Variants in ZNF521 observed in about 807,000 individuals in gnomAD.
The protein encoded by ZNF521 is zinc finger protein 521.
Under a neutral mutation model 105.5 loss-of-function variants are expected in ZNF521, and 14 were observed. The observed-to-expected ratio is 0.13, with a 90% CI of 0.09 to 0.21. ZNF521 has a LOEUF of 0.21. ZNF521 is among the 10% of genes least tolerant of loss of function. The pLI is 1.00. For synonymous variants in ZNF521, 635 were observed against 606.0 expected (o/e 1.05, Z -0.70); for missense variants, 1,233 against 1,629.7 (o/e 0.76, Z 4.19).
intron 2 of ZNF521, among the ~76,000 whole-genome samples, chr18:25,345,097 T>G (rs928861497): frequency 6.6e-6 from 1 of 152,182 alleles, no homozygotes; most frequent in Non-Finnish European, 1.5e-5. Flanking sequence ...TAACTAGAAT[T>G]TACCAGACTA....
chr18:25,278,009 G>A (rs1190045168), intron 3 of ZNF521, among the ~76,000 whole-genome samples: 1 of 152,134 alleles, frequency 6.6e-6, no homozygotes, highest in Non-Finnish European at 1.5e-5. Context: ...TCTTCAATCT[G>A]TGTGCAAATT....
rs139279669 is a variant in ZNF521, at chr18:25,156,898, G to C, written c.3658+38262C>G. ...GGACATGAGGCATGAAGGAGCTCTTGCCAAAATAACAACAAATAGAAATGG... is the reference window on the plus strand; with the variant it reads ...GGACATGAGGCATGAAGGAGCTCTTCCCAAAATAACAACAAATAGAAATGG... On this transcript the variant is annotated intron_variant, in intron 5 of 7. Coordinates refer to ENST00000361524, the MANE Select transcript of ZNF521 (RefSeq NM_015461.3). Among the ~76,000 whole-genome samples the C allele has an allele frequency of 2.5e-3, 375 of 152,222 alleles. 2 individuals are homozygous for C. The highest frequency in any genetic ancestry group is 8.7e-3 in the African/African-American group (360 of 41,544).
chr18:25,351,656 C>T (rs942751766), intron 1 of ZNF521: 2 of 152,744 alleles, frequency 1.3e-5, no homozygotes, highest in African/African-American at 4.8e-5. Context: ...TACTTTTTTT[C>T]TCCCTTCCCC....
intron 5 of ZNF521, among the ~76,000 whole-genome samples, chr18:25,141,641 G>A (rs1360738617): frequency 6.6e-6 from 1 of 152,158 alleles, no homozygotes; most frequent in East Asian, 1.9e-4. Flanking sequence ...GAGGCTCAAA[G>A]GTGGCTGGTC....
chr18:25,205,808 T>C (rs1355305417), intron 4 of ZNF521, among the ~76,000 whole-genome samples: 1 of 152,182 alleles, frequency 6.6e-6, no homozygotes, highest in Non-Finnish European at 1.5e-5. Context: ...TATGAGTACT[T>C]GATATCATTT....
chr18:25,085,975 G>A (rs1028254973), intron 7 of ZNF521, among the ~76,000 whole-genome samples: 6 of 151,996 alleles, frequency 3.9e-5, no homozygotes, highest in Admixed American at 6.5e-5. Context: ...CAAATAAATT[G>A]TATACTTTAA....
intron 3 of ZNF521, among the ~76,000 whole-genome samples, chr18:25,236,329 A>C (rs1055018012): frequency 6.6e-6 from 1 of 152,220 alleles, no homozygotes; most frequent in Non-Finnish European, 1.5e-5. Flanking sequence ...TGAGCCCAGG[A>C]GTTCGAGATC....
At chr18:25,269,943 A>G (rs148206157) in intron 3 of ZNF521, among the ~76,000 whole-genome samples, 1 of 152,312 alleles carries the variant, frequency 6.6e-6, no homozygotes, top group African/African-American at 2.4e-5. Context: ...CTAAGATCAA[A>G]GCAGAACTGA....
At chr18:25,161,144 A>G (rs1351063866) in intron 5 of ZNF521, among the ~76,000 whole-genome samples, 1 of 152,142 alleles carries the variant, frequency 6.6e-6, no homozygotes, top group African/African-American at 2.4e-5. Context: ...CTCAAACCAG[A>G]GGCCTCCTAG....
At chr18:25,282,971 T>C (rs1910471628) in intron 3 of ZNF521, among the ~76,000 whole-genome samples, 1 of 152,200 alleles carries the variant, frequency 6.6e-6, no homozygotes, top group African/African-American at 2.4e-5. Flanking sequence ...CTTAAAGTGC[T>C]TAAGTACAAA....
intron 5 of ZNF521, among the ~76,000 whole-genome samples, chr18:25,176,582 C>T (rs1480859581): frequency 6.6e-6 from 1 of 152,172 alleles, no homozygotes; most frequent in Non-Finnish European, 1.5e-5. Flanking sequence ...TAATTACTCT[C>T]TTCGCTGGAA....
intron 5 of ZNF521, among the ~76,000 whole-genome samples, chr18:25,107,606 T>C (rs1266379545): frequency 6.6e-6 from 1 of 152,234 alleles, no homozygotes; most frequent in African/African-American, 2.4e-5. Context: ...GGCAGCTATG[T>C]GTACCACTAA....
intron 3 of ZNF521, among the ~76,000 whole-genome samples, chr18:25,293,597 T>C (rs959835778): frequency 6.6e-6 from 1 of 152,260 alleles, no homozygotes; most frequent in Non-Finnish European, 1.5e-5. Flanking sequence ...TAGGTATTTA[T>C]GATACTCTTC....
intron 5 of ZNF521, among the ~76,000 whole-genome samples, chr18:25,143,970 G>T (rs2034898143): frequency 6.6e-6 from 1 of 152,162 alleles, no homozygotes; most frequent in African/African-American, 2.4e-5. Context: ...AGTATCCCTT[G>T]TTAGTGCCAT....
intron 5 of ZNF521, among the ~76,000 whole-genome samples, chr18:25,185,444 C>T (rs542809932): frequency 2.0e-5 from 3 of 152,036 alleles, no homozygotes; most frequent in South Asian, 2.1e-4. Flanking sequence ...TGTGTTGTAC[C>T]GGTCGCCAAC....
At chr18:25,252,789 C>T (rs959798070) in intron 3 of ZNF521, among the ~76,000 whole-genome samples, 5 of 152,084 alleles carry the variant, frequency 3.3e-5, no homozygotes, top group East Asian at 1.9e-4. Flanking sequence ...AACCCCATAG[C>T]GCATCCATAA....
chr18:25,110,916 C>T (rs2034175804), intron 5 of ZNF521, among the ~76,000 whole-genome samples: 1 of 151,984 alleles, frequency 6.6e-6, no homozygotes, highest in Non-Finnish European at 1.5e-5. Flanking sequence ...GCACCCGCCA[C>T]CACGCCTGGC....
At chr18:25,141,645 G>A (rs961652654) in intron 5 of ZNF521, among the ~76,000 whole-genome samples, 9 of 152,122 alleles carry the variant, frequency 5.9e-5, no homozygotes, top group Non-Finnish European at 1.3e-4. Flanking sequence ...CTCAAAGGTG[G>A]CTGGTCATCT....
intron 3 of ZNF521, among the ~76,000 whole-genome samples, chr18:25,297,059 C>G (rs1372805477): frequency 6.6e-6 from 1 of 151,610 alleles, no homozygotes; most frequent in Non-Finnish European, 1.5e-5. Context: ...TTTCTTTATA[C>G]ATTTTTCCCA....
Sources: allele counts gnomAD v4.1 joint callset (sites outside exome capture counted in the v4.1 genomes callset), GRCh38; gene constraint gnomAD v4.1.1; transcripts MANE v1.5; gene names NCBI Gene and HGNC (gene_info 2026-07-23, HGNC 2026-07-21).